Variants in RNLS observed in about 807,000 individuals in gnomAD.
RNLS encodes the protein renalase.
A neutral mutation model predicts 39.8 loss-of-function variants in RNLS; 39 were observed. That is an observed-to-expected ratio of 0.98 (90% CI 0.76 to 1.28). The LOEUF (loss-of-function observed/expected upper bound fraction) is 1.28. RNLS is among the 50% of genes most tolerant of loss of function. The probability of loss-of-function intolerance (pLI) is 0.00; values close to 1 mark genes in which losing one functional copy is unlikely to be tolerated. For missense variants in RNLS, 410 were observed against 413.3 expected (o/e 0.99, Z 0.07); for synonymous variants, 147 against 150.7 (o/e 0.98, Z 0.18).
intron 6 of RNLS, among the ~76,000 whole-genome samples, chr10:88,276,967 G>T (rs370341400): frequency 6.6e-6 from 1 of 152,082 alleles, no homozygotes; most frequent in African/African-American, 2.4e-5. Context: ...ATAAATTCTG[G>T]ATCCTAACGA....
downstream of RNLS, among the ~76,000 whole-genome samples, chr10:88,280,372 C>T (rs1423376767): frequency 6.6e-6 from 1 of 152,132 alleles, no homozygotes; most frequent in Non-Finnish European, 1.5e-5. Flanking sequence ...AAGTTATAGG[C>T]TTGCCTTAAG....
chr10:88,248,627 C>T, the RNLS span, among the ~76,000 whole-genome samples: 6 of 152,118 alleles, frequency 3.9e-5, no homozygotes, highest in African/African-American at 1.4e-4. Flanking sequence ...AAGTTCTGGG[C>T]AAAAATGTCC....
intron 4 of RNLS, among the ~76,000 whole-genome samples, chr10:88,460,148 C>T (rs1175638272): frequency 1.3e-5 from 2 of 152,102 alleles, no homozygotes; most frequent in African/African-American, 4.8e-5. Context: ...AGAACCTTGT[C>T]ACCATGAGAT....
the RNLS span, among the ~76,000 whole-genome samples, chr10:88,198,737 C>T: frequency 2.0e-5 from 3 of 152,114 alleles, no homozygotes; most frequent in South Asian, 2.1e-4. Context: ...CTTCCCCTTC[C>T]ACCATGATTC....
At chr10:88,216,784 C>T in the RNLS span, among the ~76,000 whole-genome samples, 1 of 151,866 alleles carries the variant, frequency 6.6e-6, no homozygotes, top group African/African-American at 2.4e-5. Flanking sequence ...ACAACAACAA[C>T]AACAAAAAAA....
intron 5 of RNLS, among the ~76,000 whole-genome samples, chr10:88,360,903 T>C (rs1849592245): frequency 6.6e-6 from 1 of 152,204 alleles, no homozygotes; most frequent in African/African-American, 2.4e-5. Context: ...CAATGAACCC[T>C]GAAGTCTCTC....
At chr10:88,430,485 T>C (rs1264586095) in intron 4 of RNLS, among the ~76,000 whole-genome samples, 1 of 151,792 alleles carries the variant, frequency 6.6e-6, no homozygotes, top group Non-Finnish European at 1.5e-5. Context: ...TTTATATTTC[T>C]TTTTCTCCCT....
At chr10:88,216,871 C>A in the RNLS span, among the ~76,000 whole-genome samples, 1,555 of 152,244 alleles carry the variant, frequency 0.01, 15 homozygotes, top group African/African-American at 0.028. Context: ...TGCTGCAGTC[C>A]CTGGGTACCC....
chr10:88,236,241 C>T, the RNLS span, among the ~76,000 whole-genome samples: 1 of 152,160 alleles, frequency 6.6e-6, no homozygotes, highest in East Asian at 1.9e-4. Context: ...CTTTGGCAGC[C>T]TGTAAAAACT....
chr10:88,410,332 A>T (rs890981767), intron 4 of RNLS, among the ~76,000 whole-genome samples: 8 of 152,270 alleles, frequency 5.3e-5, no homozygotes, highest in South Asian at 2.1e-4. Context: ...TTTCCTTATT[A>T]TACTTTACTT....
At chr10:88,563,764 G>T (rs1180577568) in intron 4 of RNLS, among the ~76,000 whole-genome samples, 1 of 151,978 alleles carries the variant, frequency 6.6e-6, no homozygotes, top group Non-Finnish European at 1.5e-5. Context: ...GTACCCCCAA[G>T]ATCTTTATTT....
At chr10:88,446,104 A>G (rs1842017692) in intron 4 of RNLS, among the ~76,000 whole-genome samples, 1 of 152,230 alleles carries the variant, frequency 6.6e-6, no homozygotes, top group South Asian at 2.1e-4. Context: ...CAGAAATTAT[A>G]ACAAACTGTC....
chr10:88,253,727 T>C, the RNLS span, among the ~76,000 whole-genome samples: 3 of 152,086 alleles, frequency 2.0e-5, no homozygotes, highest in Non-Finnish European at 4.4e-5. Context: ...GAAGACAGGG[T>C]CTTAGTATCC....
chr10:88,536,376 A>G (rs1847757374), intron 4 of RNLS, among the ~76,000 whole-genome samples: 1 of 152,106 alleles, frequency 6.6e-6, no homozygotes, highest in Non-Finnish European at 1.5e-5. Flanking sequence ...TTGAATCACT[A>G]CAGTCTTCTT....
At chr10:88,309,582 A>C (rs1430412768) in intron 6 of RNLS, 2 of 646,260 alleles carry the variant, frequency 3.1e-6, no homozygotes, top group African/African-American at 3.8e-5. Flanking sequence ...TCAGCTGGAA[A>C]AGGCCTGAAG....
intron 2 of RNLS, 40 bp from the exon 3 acceptor site, chr10:88,581,749 C>A (rs1232188193): frequency 3.0e-6 from 4 of 1,315,200 alleles, no homozygotes; most frequent in South Asian, 1.6e-5. Flanking sequence ...TAATTATATA[C>A]CATGAATAGC....
chr10:88,266,720 CA>C, the RNLS span, among the ~76,000 whole-genome samples: 1 of 151,184 alleles, frequency 6.6e-6, no homozygotes, highest in African/African-American at 2.4e-5. Context: ...CACACACACA[CA>C]CACACACACA....
chr10:88,539,867 A>G (rs954716648), intron 4 of RNLS, among the ~76,000 whole-genome samples: 23 of 152,080 alleles, frequency 1.5e-4, no homozygotes, highest in Admixed American at 1.4e-3. Context: ...TAATTTTTCA[A>G]TATTCACCTT....
At chr10:88,421,598 C>T (rs1266988873) in intron 4 of RNLS, among the ~76,000 whole-genome samples, 1 of 152,176 alleles carries the variant, frequency 6.6e-6, no homozygotes, top group Admixed American at 6.5e-5. Flanking sequence ...AATCACTCTC[C>T]TTTCTAATCC....
Sources: gnomAD v4.1 joint callset for allele counts (sites outside exome capture counted in the v4.1 genomes callset) on GRCh38, gnomAD v4.1.1 for gene constraint, MANE v1.5 for transcripts, NCBI Gene and HGNC (gene_info 2026-07-23, HGNC 2026-07-21) for gene names.